Variants in CD72 observed in about 807,000 individuals in gnomAD.
CD72 encodes B-cell differentiation antigen CD72.
CD72 carries 28 observed loss-of-function variants against 50.7 expected under a neutral mutation model. The ratio of observed to expected loss-of-function variants is 0.55; its 90% CI spans 0.41 to 0.76. CD72 has a LOEUF of 0.76. CD72 is among the 30% of genes least tolerant of loss of function. The pLI is 0.00. For synonymous variants in CD72, 176 were observed against 171.2 expected, an observed-to-expected ratio of 1.03 and a Z score of -0.22; for missense variants, 403 against 420.6, an observed-to-expected ratio of 0.96 and a Z score of 0.37.
intron 5 of CD72, 126 bp from the exon 6 acceptor site, chr9:35,613,119 A>G: frequency 1.3e-6 from 1 of 783,358 alleles, no homozygotes; most frequent in Non-Finnish European, 2.1e-6. Context: ...TGATCTTTGC[A>G]ATCTTTCTTT....
chr9:35,638,148 C>T (rs888480666), intron 1 of CD72, among the ~76,000 whole-genome samples: 2 of 152,088 alleles, frequency 1.3e-5, no homozygotes, highest in East Asian at 1.9e-4. Context: ...GCCGTACATC[C>T]GGGCGTCTTT....
rs778705530 is a variant in CD72 at position 35,616,154 on chromosome 9, C to G, written c.477G>C (p.Gly159=). Residue 159 remains glycine, a synonymous_variant, in exon 5 of 9, where the codon GGG becomes GGC. Transcript: ENST00000259633. The part of the protein sequence containing the change: ...QLGQSAEDLQ[G]SRRELAQSQE... ...GACTCTGCGCCAGCTCTCTCCTGGA[C>G]CCCTGCAGATCCTCTGCACTCTGTC... is the stretch of plus-strand genomic sequence containing the variant. 6.2e-7 allele frequency: 1 copy of G among 1,614,182 alleles called. No individual in the cohort carries two copies. The highest frequency in any genetic ancestry group is 8.5e-7 in the Non-Finnish European group (1 of 1,180,046).
chr9:35,612,755 C>G (rs781730702), intron 6 of CD72, 93 bp downstream of exon 6: 4 of 1,211,962 alleles, frequency 3.3e-6, no homozygotes, highest in Admixed American at 2.0e-5. Flanking sequence ...AATGGCCACC[C>G]CAGCCATGTG....
upstream of CD72, chr9:35,618,615 T>C: frequency 1.6e-6 from 1 of 609,782 alleles, no homozygotes; most frequent in South Asian, 1.7e-5. Context: ...CCATGCATCT[T>C]AAACCCATAT....
intron 1 of CD72, among the ~76,000 whole-genome samples, chr9:35,637,012 C>T (rs185391227): frequency 6.6e-6 from 1 of 152,222 alleles, no homozygotes; most frequent in East Asian, 1.9e-4. Context: ...TGACAATACA[C>T]CCTCCCCACC....
upstream of CD72, chr9:35,618,576 T>G: frequency 1.4e-6 from 1 of 705,102 alleles, no homozygotes; most frequent in Non-Finnish European, 2.3e-6. Flanking sequence ...GGGATGGGCC[T>G]GTCCCCATGT....
rs769510315 is a variant in CD72 at position 35,618,257 on chromosome 9, G to T, written c.47C>A (p.Pro16His). ...TYADLRFVKA[P>H]LKKSISSRLG... ...CCGGCTGGAGATGCTCTTCTTCAGGGGAGCCTTCACAAACCTCAGATCTGC... is the reference window on the plus strand; with the variant it reads ...CCGGCTGGAGATGCTCTTCTTCAGGTGAGCCTTCACAAACCTCAGATCTGC... The change falls in exon 1 of 9, where the codon CCC (proline) becomes CAC (histidine). Residue 16 changes from proline (P) to histidine (H), a missense_variant. Coordinates refer to ENST00000259633, the MANE Select transcript of CD72 (RefSeq NM_001782.3). The T allele has an allele frequency of 6.2e-7, 1 of 1,614,018 alleles. No homozygotes were observed. Among genetic ancestry groups the T allele is most frequent in the African/African-American group, 1.3e-5 (1 of 74,904 alleles).
intron 1 of CD72, among the ~76,000 whole-genome samples, chr9:35,636,900 A>C (rs1174006902): frequency 1.3e-5 from 2 of 152,224 alleles, no homozygotes; most frequent in Non-Finnish European, 2.9e-5. Flanking sequence ...AAGCAACTGA[A>C]GATCCACAAA....
At chr9:35,631,534 G>C (rs1436430235) in intron 1 of CD72, among the ~76,000 whole-genome samples, 1 of 152,130 alleles carries the variant, frequency 6.6e-6, no homozygotes, top group Admixed American at 6.6e-5. Context: ...ATAGTATCAA[G>C]ATGTACTAGC....
chr9:35,611,137 G>GCT (rs1261130214), intron 7 of CD72, among the ~76,000 whole-genome samples: 1 of 152,176 alleles, frequency 6.6e-6, no homozygotes, highest in African/African-American at 2.4e-5. Flanking sequence ...TGTAGTCCCA[G>GCT]CTGCTGGGGA....
intron 5 of CD72, 40 bp downstream of exon 5, chr9:35,615,903 A>C: frequency 6.5e-7 from 1 of 1,528,834 alleles, no homozygotes. Context: ...TCCTTGCTCC[A>C]ATCCATCCCT....
At chr9:35,612,023 T>C in intron 6 of CD72, 104 bp from the exon 7 acceptor site, 1 of 661,724 alleles carries the variant, frequency 1.5e-6, no homozygotes, top group Non-Finnish European at 2.7e-6. Context: ...GGGGGCTGTA[T>C]ATATGACAGC....
At chr9:35,618,727 T>C, upstream of CD72, 1 of 1,251,256 alleles carries the variant, frequency 8.0e-7, no homozygotes, top group Non-Finnish European at 1.0e-6. Flanking sequence ...GATGTGTAGC[T>C]GGAGCTGCAC....
At chr9:35,630,075 C>T (rs1368853564) in intron 1 of CD72, among the ~76,000 whole-genome samples, 18 of 127,826 alleles carry the variant, frequency 1.4e-4, no homozygotes, top group African/African-American at 5.1e-4. Flanking sequence ...CTTGCCCTGT[C>T]GCCGCCCAGG....
At chr9:35,616,798 G>A in intron 3 of CD72, 109 bp from the exon 4 acceptor site, 3 of 1,067,592 alleles carry the variant, frequency 2.8e-6, no homozygotes, top group Non-Finnish European at 2.8e-6. Context: ...CCTAAGAGGA[G>A]GGCGGTGCAG....
intron 7 of CD72, among the ~76,000 whole-genome samples, chr9:35,611,054 A>G (rs1426147097): frequency 6.6e-6 from 1 of 152,196 alleles, no homozygotes; most frequent in Non-Finnish European, 1.5e-5. Context: ...CATCGAGACC[A>G]TCCTGACTAA....
At chr9:35,615,801 T>C in intron 5 of CD72, 142 bp downstream of exon 5, 1 of 663,498 alleles carries the variant, frequency 1.5e-6, no homozygotes, top group South Asian at 1.9e-5. Flanking sequence ...TGGCCAAGGC[T>C]GAACAGCTCA....
chr9:35,620,771 C>T (rs1281852219), upstream of CD72, among the ~76,000 whole-genome samples: 4 of 151,886 alleles, frequency 2.6e-5, no homozygotes, highest in African/African-American at 9.7e-5. Context: ...TGCAGTGAGC[C>T]GAGATTGTGC....
Position 35,641,253 on chromosome 9 carries a change from T to C in CD72, n.408+5150A>G, listed in dbSNP as rs1195601826. 5.9e-5 allele frequency among the ~76,000 whole-genome samples: 9 copies of C among 152,166 alleles called. No individual in the cohort carries two copies. In the East Asian group the frequency reaches 1.7e-3, roughly 29 times the overall value. On this transcript the variant is annotated intron_variant and non_coding_transcript_variant, in intron 1 of 3. Coordinates refer to the CD72 transcript ENST00000465754. ...AGCAGGCTGGTCCAGGGGTCTGTGG[T>C]GGATCTTAGTCATGGACTGCATCTG...
Sources: gnomAD v4.1 joint callset for allele counts (sites outside exome capture counted in the v4.1 genomes callset) on GRCh38, gnomAD v4.1.1 for gene constraint, MANE v1.5 for transcripts, NCBI Gene and HGNC (gene_info 2026-07-23, HGNC 2026-07-21) for gene names.